Variants in RASA3 observed in about 807,000 individuals in gnomAD.
RASA3 encodes ras GTPase-activating protein 3.
In RASA3, 73 loss-of-function variants were observed where a neutral mutation model predicts 110.0. That is an observed-to-expected ratio of 0.66 (90% CI 0.55 to 0.81). The LOEUF (loss-of-function observed/expected upper bound fraction) is 0.81. RASA3 is among the 30% of genes least tolerant of loss of function. The probability of loss-of-function intolerance (pLI) is 0.00; values close to 1 mark genes in which losing one functional copy is unlikely to be tolerated. For synonymous variants in RASA3, 500 were observed against 451.4 expected (o/e 1.11, Z -1.37); for missense variants, 976 against 1,113.2 (o/e 0.88, Z 1.75).
At chr13:114,110,507 C>T (rs1287849619) in intron 1 of RASA3, among the ~76,000 whole-genome samples, 1 of 152,242 alleles carries the variant, frequency 6.6e-6, no homozygotes, top group African/African-American at 2.4e-5. Context: ...CCTGGCCCTA[C>T]ACAGGACAGG....
At chr13:114,099,144 C>T (rs4073917) in intron 1 of RASA3, among the ~76,000 whole-genome samples, 292 of 115,810 alleles carry the variant, frequency 2.5e-3, no homozygotes, top group Non-Finnish European at 3.7e-3. Context: ...AGTCGGGGCC[C>T]GGCCACCCGA....
intron 2 of RASA3, among the ~76,000 whole-genome samples, chr13:114,069,094 T>C (rs4883671): frequency 0.44 from 67,363 of 152,100 alleles, 17,208 homozygotes; most frequent in East Asian, 0.69. Flanking sequence ...GACACAGGCC[T>C]GAGGTGGAGC....
chr13:114,020,467 C>T (rs546814153), intron 9 of RASA3, among the ~76,000 whole-genome samples: 160 of 152,310 alleles, frequency 1.1e-3, no homozygotes, highest in African/African-American at 3.3e-3. Context: ...GTGCCGTCTT[C>T]GTAGAATCAA....
At chr13:114,101,529 G>A (rs961107610) in intron 1 of RASA3, among the ~76,000 whole-genome samples, 4 of 152,354 alleles carry the variant, frequency 2.6e-5, no homozygotes, top group Middle Eastern at 3.4e-3. Context: ...GCCTGATCCC[G>A]GCCCTGACCC....
intron 4 of RASA3, among the ~76,000 whole-genome samples, chr13:114,039,153 A>T (rs1483127449): frequency 1.3e-5 from 2 of 152,158 alleles, no homozygotes; most frequent in Non-Finnish European, 2.9e-5. Context: ...TCAGACACAC[A>T]CTGTGGTACC....
chr13:113,993,806 T>TAAAAAAAAAAAAAACA (rs2053172441), intron 21 of RASA3, among the ~76,000 whole-genome samples: 1 of 85,592 alleles, frequency 1.2e-5, no homozygotes, highest in Non-Finnish European at 2.2e-5. Context: ...AGACTCTGCC[T>TAAAAAAAAAAAAAACA]AAAAAAAAAA....
At chr13:114,102,641 G>T (rs1026368086) in intron 1 of RASA3, among the ~76,000 whole-genome samples, 4 of 152,184 alleles carry the variant, frequency 2.6e-5, no homozygotes, top group Admixed American at 6.5e-5. Flanking sequence ...CCACATGGCC[G>T]GTGGCAGGGG....
chr13:114,103,333 T>A (rs2080083431), intron 1 of RASA3, among the ~76,000 whole-genome samples: 1 of 152,040 alleles, frequency 6.6e-6, no homozygotes, highest in Admixed American at 6.6e-5. Flanking sequence ...GGGAAGAGCC[T>A]GGCATTCTCT....
intron 9 of RASA3, 105 bp downstream of exon 9, chr13:114,021,299 G>A: frequency 1.0e-6 from 1 of 985,324 alleles, no homozygotes; most frequent in South Asian, 1.5e-5. Context: ...GCTGGGCACA[G>A]CCGAGGACCA....
At position 114,017,225 on chromosome 13, in the gene RASA3, C is replaced by T; in HGVS notation, c.1206+12G>A. 2 of 1,608,022 alleles carry T rather than the reference C, an allele frequency of 1.2e-6. No homozygotes were observed. Among genetic ancestry groups the T allele is most frequent in the Non-Finnish European group, 1.7e-6 (2 of 1,175,130 alleles). ...GCCTCGTGAGGCTGAGGACTCTCGG[C>T]CCCGTGCTCACCTCCTCGATGGCGG... is the stretch of plus-strand genomic sequence containing the variant. On this transcript the variant is annotated intron_variant, in intron 12 of 23. Transcript: ENST00000334062.
intron 2 of RASA3, among the ~76,000 whole-genome samples, chr13:114,064,624 G>C (rs2079415026): frequency 6.6e-6 from 1 of 152,226 alleles, no homozygotes; most frequent in Admixed American, 6.5e-5. Context: ...GAACGCTAGG[G>C]CATTCCTCCC....
chr13:114,076,962 T>C (rs1005373459), intron 1 of RASA3, among the ~76,000 whole-genome samples: 1 of 152,064 alleles, frequency 6.6e-6, no homozygotes, highest in African/African-American at 2.4e-5. Context: ...TCTTTGGGAG[T>C]TTTTTGTTTT....
At chr13:113,992,918 T>C (rs1181335966) in intron 21 of RASA3, among the ~76,000 whole-genome samples, 1 of 152,260 alleles carries the variant, frequency 6.6e-6, no homozygotes, top group Non-Finnish European at 1.5e-5. Flanking sequence ...TTATCATTTG[T>C]ACTAACTGAC....
At chr13:114,043,876 G>T in intron 3 of RASA3, among the ~76,000 whole-genome samples, 1 of 9,304 alleles carries the variant, frequency 1.1e-4, no homozygotes, top group African/African-American at 1.1e-3. Flanking sequence ...CCCCCGCCCC[G>T]CCTCACTCGC....
intron 18 of RASA3, among the ~76,000 whole-genome samples, chr13:114,005,780 CCCTCCTGCCCTGCCGG>C (rs2053503553): frequency 6.7e-6 from 1 of 149,884 alleles, no homozygotes; most frequent in African/African-American, 2.5e-5. Context: ...CCCTTCTCCC[CCCTCCTGCCCTGCCGG>C]ACACCACCTT....
chr13:114,072,761 G>A (rs1198343539), intron 2 of RASA3, among the ~76,000 whole-genome samples: 4 of 152,218 alleles, frequency 2.6e-5, no homozygotes, highest in South Asian at 4.1e-4. Flanking sequence ...AAACTAAGCA[G>A]GAGGAAAATG....
At chr13:114,069,376 A>G (rs2079514058) in intron 2 of RASA3, among the ~76,000 whole-genome samples, 1 of 146,684 alleles carries the variant, frequency 6.8e-6, no homozygotes, top group South Asian at 2.3e-4. Flanking sequence ...ACTTTGCCAA[A>G]TGAACCATCA....
chr13:113,990,659 G>A (rs568306856), intron 22 of RASA3, among the ~76,000 whole-genome samples: 4 of 152,356 alleles, frequency 2.6e-5, no homozygotes, highest in Non-Finnish European at 5.9e-5. Flanking sequence ...CACTTGCTGG[G>A]GGAGAAGACG....
chr13:114,108,280 AT>A (rs201548448), intron 1 of RASA3, among the ~76,000 whole-genome samples: 23 of 28,168 alleles, frequency 8.2e-4, no homozygotes, highest in African/African-American at 2.7e-3. Context: ...CGTGTCTGTC[AT>A]CCCCGTCCGT....
Sources: allele counts gnomAD v4.1 joint callset (sites outside exome capture counted in the v4.1 genomes callset), GRCh38; gene constraint gnomAD v4.1.1; transcripts MANE v1.5; gene names NCBI Gene and HGNC (gene_info 2026-07-23, HGNC 2026-07-21).